ECE1: variants seen among roughly 807,000 people sequenced by gnomAD.
ECE1 encodes the protein endothelin converting enzyme 1.
Under a neutral mutation model 98.6 loss-of-function variants are expected in ECE1, and 35 were observed. The ratio of observed to expected loss-of-function variants is 0.35; its 90% CI spans 0.27 to 0.47. ECE1 has a LOEUF of 0.47. ECE1 is among the 20% of genes least tolerant of loss of function. ECE1 has a pLI of 1.00. For missense variants in ECE1, 814 were observed against 1,025.3 expected (o/e 0.79, Z 2.81); for synonymous variants, 394 against 407.1 (o/e 0.97, Z 0.39).
intron 10 of ECE1, among the ~76,000 whole-genome samples, chr1:21,238,900 G>A (rs917872899): frequency 2.6e-5 from 4 of 151,582 alleles, no homozygotes; most frequent in African/African-American, 4.9e-5. Context: ...CTGCAGCCTC[G>A]ACCTCCCAGG....
At chr1:21,249,783 T>C (rs2098209840) in intron 8 of ECE1, among the ~76,000 whole-genome samples, 1 of 152,096 alleles carries the variant, frequency 6.6e-6, no homozygotes, top group East Asian at 1.9e-4. Flanking sequence ...AAATTATTTA[T>C]TTTGTTTTGA....
At chr1:21,240,898 G>A (rs1374440116) in intron 10 of ECE1, among the ~76,000 whole-genome samples, 4 of 152,344 alleles carry the variant, frequency 2.6e-5, no homozygotes, top group East Asian at 1.9e-4. Flanking sequence ...TCCTTCACAC[G>A]AGCTTTCATT....
chr1:21,264,265 T>G (rs966610479), intron 4 of ECE1, among the ~76,000 whole-genome samples: 5 of 151,670 alleles, frequency 3.3e-5, no homozygotes, highest in Non-Finnish European at 7.4e-5. Flanking sequence ...GAGTGCATTG[T>G]CTTGAACTCC....
In ECE1 at chr1:21,340,294, T is replaced by C. The variant is rs1354551500; in HGVS notation, c.3+5082A>G. 2.6e-5 allele frequency among the ~76,000 whole-genome samples: 4 copies of C among 152,266 alleles called. No homozygotes were observed. The highest frequency in any genetic ancestry group is 5.9e-5 in the Non-Finnish European group (4 of 68,044). Reference sequence around the variant, plus strand: ...TCAATACATTCAGGAGAAGGGGCTGTCTGGGACCTCTGTCTGGGGCCACAG... The same window carrying C: ...TCAATACATTCAGGAGAAGGGGCTGCCTGGGACCTCTGTCTGGGGCCACAG... On this transcript the variant is annotated intron_variant, in intron 1 of 18. Transcript: ENST00000415912. The surrounding 1 kb of genome is among the most constrained non-coding windows in gnomAD (Gnocchi z 4.6).
intron 8 of ECE1, among the ~76,000 whole-genome samples, chr1:21,251,153 G>A (rs549821294): frequency 3.4e-4 from 52 of 152,268 alleles, no homozygotes; most frequent in African/African-American, 1.2e-3. Flanking sequence ...GGGGAACAAG[G>A]ACCTCAAAGG....
At chr1:21,251,598 C>T (rs925994638) in intron 8 of ECE1, among the ~76,000 whole-genome samples, 17 of 152,206 alleles carry the variant, frequency 1.1e-4, no homozygotes, top group African/African-American at 3.9e-4. Flanking sequence ...GGTAAAATAC[C>T]TGCGGAGCTG....
chr1:21,241,951 C>T (rs1198721466), intron 10 of ECE1, among the ~76,000 whole-genome samples: 1 of 152,164 alleles, frequency 6.6e-6, no homozygotes, highest in African/African-American at 2.4e-5. Flanking sequence ...CCTCCTCCAC[C>T]CTGACCTGGC....
At chr1:21,333,343 C>CGGGGG (rs1199430234) in intron 1 of ECE1, among the ~76,000 whole-genome samples, 5 of 63,760 alleles carry the variant, frequency 7.8e-5, no homozygotes, top group Admixed American at 5.5e-4. Flanking sequence ...GTGGGGGGGG[C>CGGGGG]GGGGGGGTGG....
At chr1:21,297,608 T>C (rs1212511049) in intron 1 of ECE1, among the ~76,000 whole-genome samples, 4 of 150,158 alleles carry the variant, frequency 2.7e-5, no homozygotes, top group Non-Finnish European at 5.9e-5. Context: ...CTTGGCTCAC[T>C]GTAACCTCTG....
intron 1 of ECE1, among the ~76,000 whole-genome samples, chr1:21,295,531 T>A (rs769427256): frequency 6.6e-6 from 1 of 152,264 alleles, no homozygotes; most frequent in Non-Finnish European, 1.5e-5. Flanking sequence ...AAATTTACTA[T>A]GAAGTTCCTG....
At position 21,290,422 on chromosome 1, in the gene ECE1, C is replaced by G. The variant is rs1197033212; in HGVS notation, c.-8G>C. 4.9e-6 allele frequency: 6 copies of G among 1,234,442 alleles called. No individual in the cohort carries two copies. Among genetic ancestry groups the G allele is most frequent in the Non-Finnish European group, 5.0e-6 (5 of 990,184 alleles). 76.5% of individuals were successfully genotyped at this position (1,234,442 alleles called of 1,614,324 possible). On this transcript the variant is annotated 5_prime_UTR_variant, in exon 1 of 19. Transcript: ENST00000374893. The surrounding 1 kb of genome is among the most constrained non-coding windows in gnomAD (Gnocchi z 7.3). Reference sequence around the variant, plus strand: ...CGGCCACACGCCCCGCATGCTGTGCCCCAGACGCCTGGTCCCGCTGCCCGG... The same window carrying G: ...CGGCCACACGCCCCGCATGCTGTGCGCCAGACGCCTGGTCCCGCTGCCCGG...
Position 21,345,255 on chromosome 1 carries a change from G to C in ECE1, c.3+121C>G, listed in dbSNP as rs895248214. 31 of 1,175,114 alleles carry C rather than the reference G, an allele frequency of 2.6e-5. No individual in the cohort carries two copies. Among genetic ancestry groups the C allele is most frequent in the Non-Finnish European group, 3.2e-5 (30 of 950,450 alleles). The allele number at this position is 1,175,114 out of a possible 1,614,324, so 72.8% of individuals were successfully genotyped here. A position where few individuals can be genotyped will look rare whatever the true frequency, so the allele number is the denominator to read the frequency against. ...TTCCGAGAGCCGGGCGGGGGCTGCT[G>C]CTGCAGCCGGCGCCCAGCCCCCCGC... is the stretch of plus-strand genomic sequence containing the variant. On this transcript the variant is annotated intron_variant, in intron 1 of 18. Coordinates refer to the ECE1 transcript ENST00000415912. This position sits in a 1 kb window ranked among gnomAD's most constrained non-coding sequence, Gnocchi z 5.1.
At chr1:21,338,149 G>A (rs1639336625) in intron 1 of ECE1, among the ~76,000 whole-genome samples, 1 of 152,130 alleles carries the variant, frequency 6.6e-6, no homozygotes, top group Non-Finnish European at 1.5e-5. Flanking sequence ...GACTCCAATG[G>A]CCAGGCAGCT....
At chr1:21,291,271 A>C (rs944059161), upstream of ECE1, among the ~76,000 whole-genome samples, 4 of 152,218 alleles carry the variant, frequency 2.6e-5, no homozygotes, top group African/African-American at 9.6e-5. Flanking sequence ...CTAACCCAGC[A>C]GATTTCCAAA....
intron 2 of ECE1, 104 bp from the exon 3 acceptor site, chr1:21,279,436 A>G: frequency 6.3e-7 from 1 of 1,588,876 alleles, no homozygotes; most frequent in Non-Finnish European, 8.6e-7. Flanking sequence ...GAGAGGCATC[A>G]GGGCTGCCTC....
Position 21,260,417 on chromosome 1 carries a change from G to C in ECE1, c.494-25C>G. 1.9e-6 allele frequency: 3 copies of C among 1,614,116 alleles called. No homozygotes were observed. The highest frequency in any genetic ancestry group is 2.5e-6 in the Non-Finnish European group (3 of 1,180,028). On this transcript the variant is annotated intron_variant, in intron 4 of 18. Transcript: ENST00000374893. The surrounding 1 kb of genome is among the most constrained non-coding windows in gnomAD (Gnocchi z 4.3). ...TCTGGAACAACAGACAGTGGAGTTT[G>C]CAATGCGGCCCCACTTGCCCACTGG...
In ECE1 at chr1:21,319,900, A is replaced by T. The variant is rs1032180091; in HGVS notation, c.3+25476T>A. On this transcript the variant is annotated intron_variant, in intron 1 of 18. Coordinates refer to the ECE1 transcript ENST00000415912. The surrounding 1 kb of genome is among the most constrained non-coding windows in gnomAD (Gnocchi z 4.4). ...CTGTCTTGAGTCCACAGGTGTCCCC[A>T]CCCCACTCCAGATCTTCTGTTTACA... Among the ~76,000 whole-genome samples the T allele has an allele frequency of 6.6e-6, 1 of 151,856 alleles. No homozygotes were observed. Among genetic ancestry groups the T allele is most frequent in the Non-Finnish European group, 1.5e-5 (1 of 67,980 alleles).
chr1:21,332,861 G>A (rs959323252), intron 1 of ECE1, among the ~76,000 whole-genome samples: 1 of 151,616 alleles, frequency 6.6e-6, no homozygotes, highest in African/African-American at 2.4e-5. Flanking sequence ...GTGGGCGGAT[G>A]GTGAAGTAAG....
intron 4 of ECE1, among the ~76,000 whole-genome samples, chr1:21,267,863 A>T (rs1195339500): frequency 6.6e-6 from 1 of 152,206 alleles, no homozygotes; most frequent in African/African-American, 2.4e-5. Flanking sequence ...AATACGAGCG[A>T]TGTCACAGGG....
Sources: allele counts gnomAD v4.1 joint callset (sites outside exome capture counted in the v4.1 genomes callset), GRCh38; gene constraint gnomAD v4.1.1; non-coding constraint Gnocchi (gnomAD v3.1); transcripts MANE v1.5; gene names NCBI Gene and HGNC (gene_info 2026-07-23, HGNC 2026-07-21).